The following DMD variants were observed in gnomAD, a reference collection of about 807,000 sequenced individuals.
DMD encodes dystrophin.
DMD carries 63 observed loss-of-function variants against 330.1 expected under a neutral mutation model. The ratio of observed to expected loss-of-function variants is 0.19; its 90% confidence interval spans 0.16 to 0.24. The LOEUF is 0.24. Among genes scored for constraint, DMD ranks in the 10% least tolerant of loss-of-function variants. The pLI, the probability that DMD is intolerant of heterozygous loss-of-function variation, is 1.00. For synonymous variants in DMD, 1,223 were observed against 959.8 expected (o/e 1.27, Z -5.07); for missense variants, 3,344 against 2,684.1 (o/e 1.25, Z -5.43).
intron 1 of DMD, among the ~76,000 whole-genome samples, chrX:33,105,779 G>T (rs1300633454): frequency 9.0e-5 from 10 of 111,407 alleles, no homozygotes. Context: ...AACAATAAAC[G>T]TTGGCATGGA....
chrX:32,963,609 A>G (rs896582001), intron 2 of DMD, among the ~76,000 whole-genome samples: 1 of 112,605 alleles, frequency 8.9e-6, no homozygotes, highest in African/African-American at 3.2e-5. Context: ...TATTGAAATG[A>G]GCATGTTTGC....
At chrX:31,430,916 C>T (rs2064019525) in intron 60 of DMD, among the ~76,000 whole-genome samples, 1 of 105,598 alleles carries the variant, frequency 9.5e-6, no homozygotes, top group Admixed American at 1.0e-4. Context: ...CATTCTCCAG[C>T]CTCAGCCTCC....
At chrX:32,262,501 C>A (rs1467856421) in intron 43 of DMD, among the ~76,000 whole-genome samples, 7 of 111,592 alleles carry the variant, frequency 6.3e-5, no homozygotes, top group Admixed American at 1.9e-4. Context: ...TATTGTATAT[C>A]ATTTATACCA....
intron 25 of DMD, among the ~76,000 whole-genome samples, chrX:32,458,500 A>G (rs1197245951): frequency 9.0e-6 from 1 of 111,009 alleles, no homozygotes; most frequent in Admixed American, 9.6e-5. Context: ...TTTCCTTTGG[A>G]TATATATCCA....
chrX:31,496,769 AG>A lies in DMD; in HGVS notation c.8547+18del, dbSNP rs764180310. ...ATGTGCTTAACATGTGCAAGGCACG[AG>A]GCTTAAAAATGTCCTACCCTATGTA... On this transcript the variant is annotated intron_variant, in intron 57 of 78. Transcript: ENST00000357033. 8.3e-7 allele frequency: 1 copy of A among 1,210,244 alleles called. No individual in the cohort carries two copies. The highest frequency in any genetic ancestry group is 1.7e-5 in the African/African-American group (1 of 57,526).
intron 55 of DMD, among the ~76,000 whole-genome samples, chrX:31,619,963 T>C (rs1470613973): frequency 8.9e-6 from 1 of 112,307 alleles, no homozygotes; most frequent in Non-Finnish European, 1.9e-5. Context: ...TCAGTCTTTC[T>C]TCCTGCAGGA....
chrX:31,218,865 T>G (rs1216302852), intron 64 of DMD, among the ~76,000 whole-genome samples: 1 of 111,486 alleles, frequency 9.0e-6, no homozygotes, highest in South Asian at 3.8e-4. Flanking sequence ...CCTTCTCTTT[T>G]GCCCAGTTCT....
intron 44 of DMD, among the ~76,000 whole-genome samples, chrX:32,067,994 G>T (rs896232130): frequency 8.9e-6 from 1 of 111,858 alleles, no homozygotes; most frequent in Non-Finnish European, 1.9e-5. Context: ...GCATCCCCTT[G>T]TCTCTGCGGC....
chrX:32,203,898 T>A (rs1026852458), intron 44 of DMD, among the ~76,000 whole-genome samples: 26 of 111,730 alleles, frequency 2.3e-4, no homozygotes, highest in Non-Finnish European at 1.9e-5. Context: ...TTAACATCCT[T>A]CTTTTAATAC....
At chrX:32,464,325 A>G (rs1445260356) in intron 24 of DMD, among the ~76,000 whole-genome samples, 1 of 111,028 alleles carries the variant, frequency 9.0e-6, no homozygotes, top group Non-Finnish European at 1.9e-5. Context: ...GACATTTTAG[A>G]TTGTGCAGTT....
chrX:32,499,787 T>C (rs910702842), intron 19 of DMD, among the ~76,000 whole-genome samples: 2 of 111,141 alleles, frequency 1.8e-5, no homozygotes, highest in Non-Finnish European at 3.8e-5. Context: ...AGGGTAGCAG[T>C]CCCTCTGAAA....
At chrX:32,553,705 A>T (rs762220262) in intron 16 of DMD, among the ~76,000 whole-genome samples, 120 of 111,820 alleles carry the variant, frequency 1.1e-3, no homozygotes, top group Non-Finnish European at 1.3e-3. Context: ...TTTTAAATTC[A>T]TTTTGTTTAT....
chrX:32,186,086 T>G (rs923271950), intron 44 of DMD, among the ~76,000 whole-genome samples: 2 of 111,095 alleles, frequency 1.8e-5, no homozygotes, highest in East Asian at 5.7e-4. Flanking sequence ...TCTGACATGA[T>G]TGAGCTAACC....
intron 1 of DMD, among the ~76,000 whole-genome samples, chrX:33,333,135 G>A (rs779414531): frequency 7.2e-5 from 8 of 110,923 alleles, no homozygotes; most frequent in South Asian, 3.8e-4. Context: ...CTTGAGTAGC[G>A]AAAGGCAAGC....
intron 44 of DMD, among the ~76,000 whole-genome samples, chrX:32,096,006 T>C (rs1055176266): frequency 1.8e-5 from 2 of 111,657 alleles, no homozygotes; most frequent in African/African-American, 6.5e-5. Flanking sequence ...GCTGCACCCA[T>C]TAACTCGTCA....
intron 2 of DMD, among the ~76,000 whole-genome samples, chrX:32,878,098 G>A (rs1342941116): frequency 3.6e-5 from 4 of 112,313 alleles, no homozygotes; most frequent in Admixed American, 9.4e-5. Flanking sequence ...GGAATGGGCC[G>A]GGCGCGGTGG....
chrX:32,201,736 C>T (rs1317394116), intron 44 of DMD, among the ~76,000 whole-genome samples: 3 of 110,804 alleles, frequency 2.7e-5, no homozygotes, highest in African/African-American at 6.6e-5. Context: ...TCCACTTACT[C>T]CCTGGCATCT....
chrX:31,959,541 T>C (rs2095279722), intron 45 of DMD, among the ~76,000 whole-genome samples: 1 of 111,731 alleles, frequency 9.0e-6, no homozygotes, highest in African/African-American at 3.3e-5. Context: ...TCCGAGACTT[T>C]TCCTGGAGTA....
At chrX:33,281,658 T>C (rs1366387044) in intron 1 of DMD, among the ~76,000 whole-genome samples, 1 of 111,428 alleles carries the variant, frequency 9.0e-6, no homozygotes, top group Non-Finnish European at 1.9e-5. Context: ...CTGGACATTT[T>C]GTCCATTATA....
Sources: gnomAD v4.1 joint callset for allele counts (sites outside exome capture counted in the v4.1 genomes callset) on GRCh38, gnomAD v4.1.1 for gene constraint, MANE v1.5 for transcripts, NCBI Gene and HGNC (gene_info 2026-07-23, HGNC 2026-07-21) for gene names.